Variants in ADD2 observed in about 807,000 individuals in gnomAD.
The protein encoded by ADD2 is beta-adducin.
A neutral mutation model predicts 83.0 loss-of-function variants in ADD2; 23 were observed. The ratio of observed to expected loss-of-function variants is 0.28; its 90% CI spans 0.20 to 0.39. The LOEUF (loss-of-function observed/expected upper bound fraction) is 0.39. Among genes scored for constraint, ADD2 ranks in the 10% least tolerant of loss-of-function variants. The pLI is 1.00. For synonymous variants in ADD2, 375 were observed against 375.4 expected (o/e 1.00, Z 0.01); for missense variants, 758 against 944.9 (o/e 0.80, Z 2.59).
intron 1 of ADD2, among the ~76,000 whole-genome samples, chr2:70,732,325 CT>C (rs1673325834): frequency 2.0e-5 from 3 of 152,228 alleles, no homozygotes; most frequent in African/African-American, 7.2e-5. Flanking sequence ...ATGCATGCAC[CT>C]TGCTGAATGC....
At position 70,767,880 on chromosome 2, in the gene ADD2, C is replaced by G; in HGVS notation, c.-154+6G>C. On this transcript the variant is annotated splice_donor_region_variant and intron_variant, in intron 1 of 15. Transcript: ENST00000264436. ...AGCCCACCAGGCCCGCTCCCCAGAC[C>G]CTTACCTCCTGCGCGGCATCTTAGC... 1 of 1,535,962 alleles carries G rather than the reference C, an allele frequency of 6.5e-7. No individual in the cohort carries two copies. The highest frequency in any genetic ancestry group is 8.7e-7 in the Non-Finnish European group (1 of 1,146,778).
intron 4 of ADD2, 58 bp downstream of exon 4, chr2:70,704,263 T>TGGCCCCCC: frequency 2.2e-6 from 2 of 913,236 alleles, no homozygotes; most frequent in Non-Finnish European, 3.4e-6. Context: ...CTCCCTCTCT[T>TGGCCCCCC]CCCCACCCCA....
Position 70,768,019 on chromosome 2 carries a change from G to T in ADD2, c.-287C>A. 1 of 1,506,518 alleles carries T rather than the reference G, an allele frequency of 6.6e-7. No homozygotes were observed. Among genetic ancestry groups the T allele is most frequent in the South Asian group, 1.2e-5 (1 of 80,410 alleles). 93.3% of individuals were successfully genotyped at this position (1,506,518 alleles called of 1,614,324 possible). A position where few individuals can be genotyped will look rare whatever the true frequency, so the allele number is the denominator to read the frequency against. On this transcript the variant is annotated 5_prime_UTR_variant, in exon 1 of 16. Transcript: ENST00000264436. ...CAGGGCAGCGTTTTCTGCCCATGCTGCAGCCCGCGCTCGTCAGAGCTGCTG... is the reference window on the plus strand; with the variant it reads ...CAGGGCAGCGTTTTCTGCCCATGCTTCAGCCCGCGCTCGTCAGAGCTGCTG...
chr2:70,701,835 C>T (rs1455902815), intron 4 of ADD2, among the ~76,000 whole-genome samples: 1 of 151,900 alleles, frequency 6.6e-6, no homozygotes, highest in African/African-American at 2.4e-5. Context: ...TTAGTAAGAA[C>T]TACATGAAAA....
chr2:70,681,758 C>A (rs566221788), intron 10 of ADD2, among the ~76,000 whole-genome samples: 2 of 151,566 alleles, frequency 1.3e-5, no homozygotes, highest in African/African-American at 2.4e-5. Context: ...ATTTATACCT[C>A]TTATGCTTCA....
Position 70,681,919 on chromosome 2 carries a change from T to C in ADD2, c.1125+1672A>G, listed in dbSNP as rs117653065. Among the ~76,000 whole-genome samples the C allele has an allele frequency of 0.012, 1,806 of 152,254 alleles. 106 individuals are homozygous for C. In the East Asian group the frequency reaches 0.18, roughly 15 times the overall value. On this transcript the variant is annotated intron_variant, in intron 10 of 15. Coordinates refer to ENST00000264436, the MANE Select transcript of ADD2 (RefSeq NM_001617.4). Reference sequence around the variant, plus strand: ...TTTTTGTAGAGATAGGGTCTTGCTATGTTGCCCAGGCTGGTCTTGAACTCC... The same window carrying C: ...TTTTTGTAGAGATAGGGTCTTGCTACGTTGCCCAGGCTGGTCTTGAACTCC...
intron 1 of ADD2, among the ~76,000 whole-genome samples, chr2:70,749,990 T>C (rs1456028209): frequency 3.9e-5 from 6 of 152,232 alleles, no homozygotes; most frequent in African/African-American, 1.4e-4. Context: ...AAGACTTTCC[T>C]GTCCAATCAG....
chr2:70,684,644 C>G (rs782779686), intron 9 of ADD2, among the ~76,000 whole-genome samples: 5 of 152,106 alleles, frequency 3.3e-5, no homozygotes, highest in Admixed American at 6.5e-5. Flanking sequence ...TTCACAGGTC[C>G]AAAGGAAAAA....
intron 4 of ADD2, among the ~76,000 whole-genome samples, chr2:70,698,242 G>T (rs1265612669): frequency 6.6e-6 from 1 of 152,126 alleles, no homozygotes; most frequent in Admixed American, 6.5e-5. Context: ...ATGGCCAGGG[G>T]GCCAGAACAG....
chr2:70,690,744 C>A, intron 8 of ADD2, 42 bp downstream of exon 8: 1 of 1,578,928 alleles, frequency 6.3e-7, no homozygotes. Flanking sequence ...TGGCTTTTGA[C>A]AATGCCACTC....
intron 15 of ADD2, among the ~76,000 whole-genome samples, chr2:70,672,398 C>T (rs1326751442): frequency 6.6e-6 from 1 of 152,194 alleles, no homozygotes; most frequent in Non-Finnish European, 1.5e-5. Context: ...GGGATGGGAT[C>T]CAAGAATCAA....
intron 1 of ADD2, among the ~76,000 whole-genome samples, chr2:70,714,344 C>G (rs550872628): frequency 6.6e-6 from 1 of 152,168 alleles, no homozygotes; most frequent in South Asian, 2.1e-4. Flanking sequence ...CATCCCTGAC[C>G]CAATGCTGTC....
At chr2:70,740,634 T>TTTTTG (rs1553380905) in intron 1 of ADD2, among the ~76,000 whole-genome samples, 3 of 151,910 alleles carry the variant, frequency 2.0e-5, no homozygotes, top group African/African-American at 7.3e-5. Context: ...GTGGGGATTT[T>TTTTTG]TTTGTTTGTT....
In ADD2 at chr2:70,675,713, C is replaced by G. The variant is rs898167519; in HGVS notation, c.1594-888G>C. 13 of 985,442 alleles carry G rather than the reference C, an allele frequency of 1.3e-5. No individual in the cohort carries two copies. The South Asian group carries it at 6.1e-4, about 46-fold the overall frequency. The allele number at this position is 985,442 out of a possible 1,614,324, so 61.0% of individuals were successfully genotyped here. On this transcript the variant is annotated intron_variant, in intron 13 of 15. Transcript: ENST00000264436. Reference sequence around the variant, plus strand: ...CTGCCCTGGCCCGCCAGGTCTTCTGCCCCTGGGCCCCTTCCAAAAGGGAGG... The same window carrying G: ...CTGCCCTGGCCCGCCAGGTCTTCTGGCCCTGGGCCCCTTCCAAAAGGGAGG...
intron 1 of ADD2, among the ~76,000 whole-genome samples, chr2:70,724,016 G>T (rs1331378261): frequency 6.6e-6 from 1 of 152,184 alleles, no homozygotes; most frequent in Non-Finnish European, 1.5e-5. Context: ...CCCAAGGCAG[G>T]GTATGGACCA....
intron 4 of ADD2, among the ~76,000 whole-genome samples, chr2:70,701,171 CA>C (rs1308812526): frequency 1.3e-5 from 2 of 151,846 alleles, no homozygotes; most frequent in East Asian, 3.9e-4. Context: ...TCTGGAAAAT[CA>C]AATCCAGAAG....
chr2:70,691,002 C>T, intron 7 of ADD2, 73 bp from the exon 8 acceptor site: 1 of 1,512,920 alleles, frequency 6.6e-7, no homozygotes, highest in African/African-American at 1.4e-5. Flanking sequence ...CAGTCCAGCT[C>T]TACTCTGGGG....
In ADD2 at chr2:70,657,660, G is replaced by T. The variant is rs1477948216; in HGVS notation, c.*5765C>A. The T allele has an allele frequency of 6.6e-6, 1 of 152,206 alleles. No homozygotes were observed. 9.4% of individuals were successfully genotyped at this position (152,206 alleles called of 1,614,324 possible). On this transcript the variant is annotated 3_prime_UTR_variant, in exon 16 of 16. Transcript: ENST00000264436. The stretch of plus-strand genomic sequence containing the variant: ...CCTCCTTCTGATTCACGTTAAAAGG[G>T]GAGATCTGGCCTTTGGGTTTTTAAA...
chr2:70,675,197 G>A (rs1029068240), intron 13 of ADD2: 1 of 1,017,036 alleles, frequency 9.8e-7, no homozygotes, highest in African/African-American at 1.7e-5. Flanking sequence ...AGCCCAGCAA[G>A]CATAGCATTG....
Sources: allele counts gnomAD v4.1 joint callset (sites outside exome capture counted in the v4.1 genomes callset), GRCh38; gene constraint gnomAD v4.1.1; transcripts MANE v1.5; gene names NCBI Gene and HGNC (gene_info 2026-07-23, HGNC 2026-07-21).